Variants in SPAG17 observed in about 807,000 individuals in gnomAD.
SPAG17 encodes sperm-associated antigen 17.
A neutral mutation model predicts 273.6 loss-of-function variants in SPAG17; 169 were observed. The observed-to-expected ratio is 0.62, with a 90% confidence interval of 0.55 to 0.70. SPAG17 has a LOEUF of 0.70. Ranked by LOEUF, SPAG17 falls within the 30% of genes least tolerant of loss-of-function variation. The pLI is 0.00. For missense variants in SPAG17, 2,557 were observed against 2,627.8 expected (o/e 0.97, Z 0.59); for synonymous variants, 825 against 873.2 (o/e 0.94, Z 0.97).
At chr1:118,132,106 C>T (rs867350657) in intron 3 of SPAG17, among the ~76,000 whole-genome samples, 5 of 152,268 alleles carry the variant, frequency 3.3e-5, no homozygotes, top group Middle Eastern at 3.4e-3. Context: ...TGGAGGTAAG[C>T]GAGGGTGCTG....
intron 43 of SPAG17, among the ~76,000 whole-genome samples, chr1:117,978,526 T>C (rs532712224): frequency 6.6e-6 from 1 of 152,346 alleles, no homozygotes; most frequent in African/African-American, 2.4e-5. Flanking sequence ...GGCTCTAGTA[T>C]GCCTAATCTT....
At chr1:118,039,759 C>A (rs540712275) in intron 22 of SPAG17, among the ~76,000 whole-genome samples, 6 of 152,014 alleles carry the variant, frequency 3.9e-5, no homozygotes, top group Non-Finnish European at 8.8e-5. Flanking sequence ...CCTATAGAAC[C>A]AACCTGAATA....
chr1:118,029,075 C>G (rs529355190), intron 25 of SPAG17, among the ~76,000 whole-genome samples: 1 of 152,142 alleles, frequency 6.6e-6, no homozygotes, highest in South Asian at 2.1e-4. Context: ...CACAGTCAGA[C>G]CCAGTCTCTT....
chr1:118,114,250 T>C (rs1375540998), intron 4 of SPAG17, among the ~76,000 whole-genome samples: 2 of 152,180 alleles, frequency 1.3e-5, no homozygotes, highest in Non-Finnish European at 2.9e-5. Flanking sequence ...GTACTATCAA[T>C]TATGTTAATA....
At chr1:118,122,357 T>C (rs568818321) in intron 3 of SPAG17, among the ~76,000 whole-genome samples, 3 of 152,330 alleles carry the variant, frequency 2.0e-5, no homozygotes, top group African/African-American at 7.2e-5. Context: ...CAAGATATGA[T>C]TAATCAGTTG....
chr1:118,123,836 GC>G (rs987001704), intron 3 of SPAG17, among the ~76,000 whole-genome samples: 6 of 152,188 alleles, frequency 3.9e-5, no homozygotes, highest in African/African-American at 1.4e-4. Context: ...CCTCTTTGGG[GC>G]TGTAAGGAAG....
intron 38 of SPAG17, among the ~76,000 whole-genome samples, chr1:117,990,194 C>A (rs952841483): frequency 5.9e-5 from 9 of 152,096 alleles, no homozygotes; most frequent in African/African-American, 1.9e-4. Flanking sequence ...TCTGGATAAA[C>A]AACAACAACA....
intron 45 of SPAG17, 112 bp downstream of exon 45, chr1:117,971,751 C>A (rs929425355): frequency 2.5e-6 from 2 of 787,706 alleles, no homozygotes; most frequent in Admixed American, 3.1e-5. Flanking sequence ...TGTGAAGATT[C>A]AAGGAGTAAT....
At chr1:117,975,039 A>T (rs1654986022) in intron 43 of SPAG17, among the ~76,000 whole-genome samples, 1 of 152,150 alleles carries the variant, frequency 6.6e-6, no homozygotes, top group South Asian at 2.1e-4. Context: ...CCTTCCCTGG[A>T]TATTTCCACT....
intron 47 of SPAG17, chr1:117,964,201 T>G: frequency 3.5e-6 from 1 of 286,448 alleles, no homozygotes; most frequent in Non-Finnish European, 6.6e-6. Flanking sequence ...ATCAGTATGG[T>G]CAAGCCCCAA....
chr1:118,110,349 C>T (rs1006313833), intron 4 of SPAG17, among the ~76,000 whole-genome samples: 13 of 151,598 alleles, frequency 8.6e-5, no homozygotes, highest in African/African-American at 2.9e-4. Flanking sequence ...GAAGCAAATC[C>T]CAGAAAAAAA....
intron 20 of SPAG17, among the ~76,000 whole-genome samples, chr1:118,053,537 T>A (rs539300583): frequency 3.4e-4 from 51 of 152,106 alleles, no homozygotes; most frequent in African/African-American, 1.2e-3. Flanking sequence ...ATATTTAATT[T>A]AAAAGTACTA....
intron 25 of SPAG17, among the ~76,000 whole-genome samples, chr1:118,030,963 G>A (rs1648389206): frequency 6.6e-6 from 1 of 152,116 alleles, no homozygotes; most frequent in African/African-American, 2.4e-5. Flanking sequence ...ACTCAGTAAT[G>A]AGATTGCTGG....
At chr1:118,137,945 A>G (rs1440650748) in intron 3 of SPAG17, among the ~76,000 whole-genome samples, 1 of 152,232 alleles carries the variant, frequency 6.6e-6, no homozygotes, top group African/African-American at 2.4e-5. Flanking sequence ...ATGCAGAAGC[A>G]TGAAAATTGT....
Position 117,992,380 on chromosome 1 carries a change from A to G in SPAG17, c.5361+86T>C, listed in dbSNP as rs1657194653. 2.3e-5 allele frequency: 30 copies of G among 1,296,714 alleles called. 1 individual carries two copies. In the South Asian group the frequency reaches 4.5e-4, roughly 20 times the overall value. The allele number at this position is 1,296,714 out of a possible 1,614,324, so 80.3% of individuals were successfully genotyped here. A position where few individuals can be genotyped will look rare whatever the true frequency, so the allele number is the denominator to read the frequency against. ...GCACTAGACAAATATTGGTAGAATT[A>G]CATAATTTCAGGTTTCTTAGGAAAC... is the stretch of plus-strand genomic sequence containing the variant. On this transcript the variant is annotated intron_variant, in intron 36 of 48. Coordinates refer to ENST00000336338, the MANE Select transcript of SPAG17 (RefSeq NM_206996.4).
intron 1 of SPAG17, among the ~76,000 whole-genome samples, chr1:118,154,065 G>A (rs951005759): frequency 2.6e-5 from 4 of 152,032 alleles, no homozygotes; most frequent in African/African-American, 9.7e-5. Context: ...GCACAGTACC[G>A]AAACTCACGG....
At chr1:117,973,165 A>G (rs886446406) in intron 44 of SPAG17, among the ~76,000 whole-genome samples, 1 of 152,140 alleles carries the variant, frequency 6.6e-6, no homozygotes, top group African/African-American at 2.4e-5. Flanking sequence ...TGGCTCATAA[A>G]ATTTCTCCCA....
At chr1:118,114,462 G>A (rs1247373693) in intron 4 of SPAG17, among the ~76,000 whole-genome samples, 1 of 152,132 alleles carries the variant, frequency 6.6e-6, no homozygotes, top group Non-Finnish European at 1.5e-5. Context: ...CACTATTGGA[G>A]CATTTTCACT....
At chr1:118,036,347 C>G (rs1649068955) in intron 24 of SPAG17, among the ~76,000 whole-genome samples, 1 of 151,960 alleles carries the variant, frequency 6.6e-6, no homozygotes, top group Non-Finnish European at 1.5e-5. Flanking sequence ...CAAAGAAAAC[C>G]AAGAGGATTC....
Sources: allele counts gnomAD v4.1 joint callset (sites outside exome capture counted in the v4.1 genomes callset), GRCh38; gene constraint gnomAD v4.1.1; transcripts MANE v1.5; gene names NCBI Gene and HGNC (gene_info 2026-07-23, HGNC 2026-07-21).